The following CDON variants were observed in gnomAD, a reference collection of about 807,000 sequenced individuals.
The protein encoded by CDON is cell adhesion associated, oncogene regulated.
In CDON, 73 loss-of-function variants were observed where a neutral mutation model predicts 120.9. That is an observed-to-expected ratio of 0.60 (90% confidence interval 0.50 to 0.73). CDON has a LOEUF of 0.73. Among genes scored for constraint, CDON ranks in the 30% least tolerant of loss-of-function variants. The pLI, the probability that CDON is intolerant of heterozygous loss-of-function variation, is 0.00. For synonymous variants in CDON, 566 were observed against 573.5 expected (o/e 0.99, Z 0.19); for missense variants, 1,470 against 1,587.3 (o/e 0.93, Z 1.26).
intron 1 of CDON, 91 bp from the exon 2 acceptor site, chr11:126,023,628 G>T (rs1056398980): frequency 2.8e-6 from 2 of 703,890 alleles, no homozygotes; most frequent in Non-Finnish European, 5.1e-6. Context: ...CATCTATTTT[G>T]AAAGCTCTGT....
rs1382423176 is a variant in CDON, at chr11:125,994,884, A to G, written c.2531T>C (p.Met844Thr). 2.5e-6 allele frequency: 4 copies of G among 1,613,980 alleles called. No homozygotes were observed. In the East Asian group the frequency reaches 6.7e-5, roughly 27 times the overall value. The change falls in exon 13 of 20, where the codon ATG (methionine) becomes ACG (threonine). Residue 844 changes from methionine to threonine, a missense_variant. Transcript: ENST00000531738. The stretch of plus-strand genomic sequence containing the variant: ...ATGTGTACTGACCGTCCACTTTAGC[A>G]TGATCTGAGTATCGCTGACAGCCTC... ...YTEAVSDTQIMLKWTYIPSSN... is the reference protein window; with the variant it reads ...YTEAVSDTQITLKWTYIPSSN...
chr11:125,981,963 CTATTTTCTTTTTTTTT>C (rs1946316746), intron 16 of CDON, among the ~76,000 whole-genome samples: 3 of 34,154 alleles, frequency 8.8e-5, no homozygotes, highest in Admixed American at 3.6e-4. Context: ...AAAAGTGATT[CTATTTTCTTTTTTTTT>C]TTTTTTTTTT....
intron 1 of CDON, among the ~76,000 whole-genome samples, chr11:126,044,622 G>A (rs780014043): frequency 1.3e-5 from 2 of 152,166 alleles, no homozygotes; most frequent in Non-Finnish European, 2.9e-5. Context: ...TATGATAAGT[G>A]AAATAAGCCA....
Position 126,015,177 on chromosome 11 carries a change from G to T in CDON, c.1198+64C>A. 4 of 1,449,002 alleles carry T rather than the reference G, an allele frequency of 2.8e-6. No individual in the cohort carries two copies. The South Asian group carries it at 3.4e-5, about 12-fold the overall frequency. The allele number at this position is 1,449,002 out of a possible 1,614,324, so 89.8% of individuals were successfully genotyped here. A position where few individuals can be genotyped will look rare whatever the true frequency, so the allele number is the denominator to read the frequency against. ...TTTTAGTAAAAATAATTTCATTTTTGACCACAACAAAAGCCCATCTGTAAA... is the reference window on the plus strand; with the variant it reads ...TTTTAGTAAAAATAATTTCATTTTTTACCACAACAAAAGCCCATCTGTAAA... On this transcript the variant is annotated intron_variant, in intron 7 of 19. Transcript: ENST00000531738.
Position 125,958,565 on chromosome 11 carries a change from ATGTGTGTGTG to A in CDON, c.*2367_*2376del, listed in dbSNP as rs35654681. ...AAGGCAATTATATATATATATATAT[ATGTGTGTGTG>A]TGTGTGTGTGTGTGTGTTTATATAT... On this transcript the variant is annotated 3_prime_UTR_variant, in exon 20 of 20. Transcript: ENST00000531738. 3.8e-5 allele frequency: 5 copies of A among 130,084 alleles called. No individual in the cohort carries two copies. Among genetic ancestry groups the A allele is most frequent in the East Asian group, 2.4e-4 (1 of 4,194 alleles). 8.1% of individuals were successfully genotyped at this position (130,084 alleles called of 1,614,324 possible).
chr11:126,011,242 T>C lies in CDON; in HGVS notation c.1199-548A>G, dbSNP rs188705014. Among the ~76,000 whole-genome samples, 140 of 152,318 alleles carry C rather than the reference T, an allele frequency of 9.2e-4. 1 individual carries two copies. Among genetic ancestry groups the C allele is most frequent in the Admixed American group, 2.4e-3 (37 of 15,292 alleles). ...CAGAATTTTTGTTTCTAAATTAAAG[T>C]GGCACCAAATCTTTCCTTTTGGTCC... On this transcript the variant is annotated intron_variant, in intron 7 of 19. Transcript: ENST00000531738.
At chr11:125,984,243 G>T (rs751857865) in intron 15 of CDON, 150 bp from the exon 16 acceptor site, 26 of 658,548 alleles carry the variant, frequency 3.9e-5, no homozygotes, top group Non-Finnish European at 6.2e-5. Flanking sequence ...GTCACAAAGA[G>T]GGCTCCAAAG....
In CDON at chr11:126,034,920, A is replaced by G. The variant is rs1362046310; in HGVS notation, c.-61-11383T>C. Among the ~76,000 whole-genome samples the G allele has an allele frequency of 6.6e-6, 1 of 152,238 alleles. No homozygotes were observed. The highest frequency in any genetic ancestry group is 2.4e-5 in the African/African-American group (1 of 41,464). On this transcript the variant is annotated intron_variant, in intron 1 of 19. Coordinates refer to ENST00000531738, the MANE Select transcript of CDON (RefSeq NM_001378964.1). The surrounding 1 kb of genome is among the most constrained non-coding windows in gnomAD (Gnocchi z 4.5). The stretch of plus-strand genomic sequence containing the variant: ...AAGCTAAGTTTGCTAAGAACTAGCT[A>G]TTGCAAAGATGTAGACACACATTTG...
chr11:125,981,974 T>C (rs1407361413), intron 16 of CDON, among the ~76,000 whole-genome samples: 2 of 91,750 alleles, frequency 2.2e-5, no homozygotes, highest in East Asian at 3.0e-4. Flanking sequence ...TATTTTCTTT[T>C]TTTTTTTTTT....
rs927285420 is a variant in CDON, at chr11:125,959,604, A to T, written c.*1338T>A. The T allele has an allele frequency of 1.3e-5, 2 of 152,044 alleles. No individual in the cohort carries two copies. Among genetic ancestry groups the T allele is most frequent in the South Asian group, 2.1e-4 (1 of 4,820 alleles). The allele number at this position is 152,044 out of a possible 1,614,324, so 9.4% of individuals were successfully genotyped here. On this transcript the variant is annotated 3_prime_UTR_variant, in exon 20 of 20. Coordinates refer to ENST00000531738, the MANE Select transcript of CDON (RefSeq NM_001378964.1). The stretch of plus-strand genomic sequence containing the variant: ...TCAGGAAAAAAACCCAAAACAAACA[A>T]ACAAAAAAAAACAAAAAACAAACAA...
At chr11:125,974,403 AGGGAGGGAGGGAG>A (rs1946096767) in intron 18 of CDON, among the ~76,000 whole-genome samples, 1 of 2,134 alleles carries the variant, frequency 4.7e-4, no homozygotes, top group Non-Finnish European at 9.3e-4. Context: ...GGAGGGAGGG[AGGGAGGGAGGGAG>A]GGAGGGAGGG....
chr11:126,001,106 G>A (rs961918312), intron 11 of CDON, among the ~76,000 whole-genome samples: 3 of 151,918 alleles, frequency 2.0e-5, no homozygotes, highest in Non-Finnish European at 2.9e-5. Flanking sequence ...ATTTTGATGA[G>A]TCACACACAT....
intron 18 of CDON, among the ~76,000 whole-genome samples, 187 bp downstream of exon 18, chr11:125,978,117 C>T (rs371867363): frequency 4.6e-5 from 7 of 151,954 alleles, no homozygotes; most frequent in Admixed American, 3.3e-4. Context: ...CTGAAGAAAC[C>T]GAGGCACAAA....
chr11:125,989,824 T>A (rs995224806), intron 14 of CDON, 65 bp from the exon 15 acceptor site: 90 of 1,487,372 alleles, frequency 6.1e-5, no homozygotes, highest in Non-Finnish European at 8.2e-5. Flanking sequence ...ATATAATTAG[T>A]TAATGTTTTC....
In CDON at chr11:126,001,793, T is replaced by C; in HGVS notation, c.2084A>G (p.Lys695Arg). 6.2e-7 allele frequency: 1 copy of C among 1,612,300 alleles called. No individual in the cohort carries two copies. Among genetic ancestry groups the C allele is most frequent in the Non-Finnish European group, 8.5e-7 (1 of 1,178,296 alleles). The change falls in exon 11 of 20, where the codon AAG (lysine) becomes AGG (arginine). Residue 695 changes from lysine to arginine, a missense_variant. Transcript: ENST00000531738. ...TGCAGCCTCTGAAACAACGGGATACTTAGGGATGCCCACGGGTGGAGAGGA... is the reference window on the plus strand; with the variant it reads ...TGCAGCCTCTGAAACAACGGGATACCTAGGGATGCCCACGGGTGGAGAGGA... Reference protein sequence around the residue: ...QASSPPVGIPKYPVVSEAANN... With the variant: ...QASSPPVGIPRYPVVSEAANN...
intron 1 of CDON, among the ~76,000 whole-genome samples, chr11:126,052,822 CAA>C (rs34621999): frequency 5.7e-4 from 45 of 78,554 alleles, no homozygotes; most frequent in African/African-American, 1.5e-3. Context: ...GACTCCGTCT[CAA>C]AAAAAAAAAA....
rs773419494 is a variant in CDON at position 126,003,950 on chromosome 11, C to T, written c.1978G>A (p.Ala660Thr). The change falls in exon 10 of 20, where the codon GCA becomes ACA. Residue 660 changes from alanine (A) to threonine (T), a missense_variant. Ala to Thr is a moderately conservative substitution (Grantham distance 58). Coordinates refer to ENST00000531738, the MANE Select transcript of CDON (RefSeq NM_001378964.1). ...ATGGCAGGTTGGCCTTCACCTGCTG[C>T]GCTTCTTGCTACCATCAAGACTTCA... is the stretch of plus-strand genomic sequence containing the variant. ...LYEVLMVARSAAGEGQPAMLT... is the reference protein window; with the variant it reads ...LYEVLMVARSTAGEGQPAMLT... 2.7e-5 allele frequency: 44 copies of T among 1,613,992 alleles called. No homozygotes were observed. Among genetic ancestry groups the T allele is most frequent in the Admixed American group, 6.7e-5 (4 of 59,988 alleles).
intron 18 of CDON, among the ~76,000 whole-genome samples, chr11:125,970,173 T>G (rs994970104): frequency 1.9e-5 from 1 of 51,384 alleles, no homozygotes; most frequent in African/African-American, 5.8e-5. Flanking sequence ...GTAGTTTATG[T>G]TTTTTTTTTT....
Position 125,960,819 on chromosome 11 carries a change from TACAA to T in CDON, c.*119_*122del. 2 of 922,784 alleles carry T rather than the reference TACAA, an allele frequency of 2.2e-6. No homozygotes were observed. Among genetic ancestry groups the T allele is most frequent in the Non-Finnish European group, 3.6e-6 (2 of 559,812 alleles). 57.2% of individuals were successfully genotyped at this position (922,784 alleles called of 1,614,324 possible). ...AGATACATTCATATGACATTACTAC[TACAA>T]AAAAATAAATAATGATTTTCTCTGA... is the stretch of plus-strand genomic sequence containing the variant. On this transcript the variant is annotated 3_prime_UTR_variant, in exon 20 of 20. Transcript: ENST00000531738.
Sources: gnomAD v4.1 joint callset for allele counts (sites outside exome capture counted in the v4.1 genomes callset) on GRCh38, gnomAD v4.1.1 for gene constraint, Gnocchi (gnomAD v3.1) non-coding constraint, MANE v1.5 for transcripts, NCBI Gene and HGNC (gene_info 2026-07-23, HGNC 2026-07-21) for gene names.